WDR59: variants seen among roughly 807,000 people sequenced by gnomAD.
The protein encoded by WDR59 is GATOR2 complex protein WDR59.
In WDR59, 100 loss-of-function variants were observed where a neutral mutation model predicts 131.2. That is an observed-to-expected ratio of 0.76 (90% CI 0.65 to 0.90). The LOEUF is 0.90. Ranked by LOEUF, WDR59 falls within the 40% of genes least tolerant of loss-of-function variation. The pLI is 0.00. For missense variants in WDR59, 1,203 were observed against 1,262.2 expected (o/e 0.95, Z 0.71); for synonymous variants, 601 against 466.2 (o/e 1.29, Z -3.72).
chr16:74,894,909 G>A (rs1284199633), intron 18 of WDR59, among the ~76,000 whole-genome samples: 1 of 152,182 alleles, frequency 6.6e-6, no homozygotes, highest in East Asian at 1.9e-4. Flanking sequence ...ATGGAAAAGT[G>A]TACTCTAGAA....
intron 18 of WDR59, among the ~76,000 whole-genome samples, chr16:74,894,206 T>G (rs998139014): frequency 6.6e-6 from 1 of 152,230 alleles, no homozygotes; most frequent in African/African-American, 2.4e-5. Flanking sequence ...AAAATTTTTT[T>G]CCTTAGGCAG....
At chr16:74,894,841 T>C (rs560091948) in intron 18 of WDR59, among the ~76,000 whole-genome samples, 1 of 152,314 alleles carries the variant, frequency 6.6e-6, no homozygotes, top group Non-Finnish European at 1.5e-5. Flanking sequence ...ATGACCTCTG[T>C]TGTTCCAATC....
intron 5 of WDR59, 56 bp from the exon 6 acceptor site, chr16:74,948,612 G>A (rs2032797104): frequency 2.1e-6 from 3 of 1,411,826 alleles, no homozygotes; most frequent in Non-Finnish European, 1.0e-6. Context: ...CACCCACCTG[G>A]TATTTTTCAC....
rs2034419132 is a variant in WDR59, at chr16:74,981,639, TATATA to T, written c.54+3320_54+3324del. On this transcript the variant is annotated intron_variant, in intron 1 of 25. Transcript: ENST00000262144. ...ATATATATATATATATATATATATA[TATATA>T]TATATATATATATATATTTTTTTTT... 1.1e-3 allele frequency among the ~76,000 whole-genome samples: 43 copies of T among 40,890 alleles called. 4 individuals carry two copies. Among genetic ancestry groups the T allele is most frequent in the African/African-American group, 5.0e-3 (39 of 7,788 alleles). The allele number at this position is 40,890 out of a possible 152,430, so 26.8% of individuals were successfully genotyped here.
intron 1 of WDR59, among the ~76,000 whole-genome samples, chr16:74,980,440 G>A (rs572188082): frequency 2.2e-5 from 3 of 137,638 alleles, no homozygotes; most frequent in Admixed American, 7.7e-5. Flanking sequence ...TGCAACCTCC[G>A]CCTCCCAGGT....
chr16:74,915,790 C>A (rs1173878697), intron 13 of WDR59, 80 bp downstream of exon 13: 35 of 1,591,410 alleles, frequency 2.2e-5, no homozygotes, highest in Non-Finnish European at 2.9e-5. Context: ...TATTTGCTAA[C>A]TGAAATCATT....
intron 7 of WDR59, among the ~76,000 whole-genome samples, chr16:74,938,621 C>T (rs1208496151): frequency 6.6e-6 from 1 of 152,172 alleles, no homozygotes; most frequent in African/African-American, 2.4e-5. Flanking sequence ...ACTGCAGCCT[C>T]AACTTCCTGG....
chr16:74,970,495 CAAAAAAAAAAAAA>C (rs746574195), intron 1 of WDR59, among the ~76,000 whole-genome samples: 20 of 33,446 alleles, frequency 6.0e-4, no homozygotes, highest in East Asian at 5.3e-3. Flanking sequence ...ACTCTGTCTC[CAAAAAAAAAAAAA>C]AAAAAAAAAA....
At chr16:74,973,978 T>C (rs1374342542) in intron 1 of WDR59, among the ~76,000 whole-genome samples, 2 of 152,156 alleles carry the variant, frequency 1.3e-5, no homozygotes, top group African/African-American at 4.8e-5. Context: ...GAGACCAGCC[T>C]GGCCAACATG....
At chr16:74,976,603 G>A (rs944118639) in intron 1 of WDR59, among the ~76,000 whole-genome samples, 5 of 151,610 alleles carry the variant, frequency 3.3e-5, no homozygotes, top group African/African-American at 1.2e-4. Flanking sequence ...CACCACACCT[G>A]GCTAATTTTC....
intron 8 of WDR59, among the ~76,000 whole-genome samples, chr16:74,937,342 C>T (rs184144948): frequency 3.2e-4 from 49 of 152,274 alleles, no homozygotes; most frequent in Admixed American, 6.5e-5. Context: ...TGCCTGAAAA[C>T]GTCAGAACTT....
chr16:74,918,354 A>G (rs1966491900), intron 10 of WDR59, among the ~76,000 whole-genome samples: 1 of 152,236 alleles, frequency 6.6e-6, no homozygotes, highest in Admixed American at 6.5e-5. Context: ...TGAAATACTA[A>G]CTGGCAAATT....
chr16:74,892,325 G>A (rs1965083744), intron 20 of WDR59, among the ~76,000 whole-genome samples, 159 bp downstream of exon 20: 1 of 152,112 alleles, frequency 6.6e-6, no homozygotes, highest in African/African-American at 2.4e-5. Context: ...TCCAGCATTT[G>A]GAAAGCCACT....
At chr16:74,926,186 C>T (rs1428350672) in intron 8 of WDR59, among the ~76,000 whole-genome samples, 2 of 151,288 alleles carry the variant, frequency 1.3e-5, no homozygotes, top group African/African-American at 2.4e-5. Context: ...CAGCCTCCCA[C>T]GTAGCTGGGA....
chr16:74,923,930 T>C lies in WDR59; in HGVS notation c.725A>G (p.Tyr242Cys). The C allele has an allele frequency of 6.2e-7, 1 of 1,613,422 alleles. No homozygotes were observed. The highest frequency in any genetic ancestry group is 8.5e-7 in the Non-Finnish European group (1 of 1,179,924). Residue 242 changes from tyrosine (Y) to cysteine (C), a missense_variant, in exon 9 of 26, where the codon TAC (tyrosine) becomes TGC (cysteine). Coordinates refer to ENST00000262144, the MANE Select transcript of WDR59 (RefSeq NM_030581.4). ...PCQVPVWKAR[Y>C]TPFSNGLVTV... ...GAGGCAGGGTGGCTCACTCACTGTGTATCTGGCCTTCCAGACAGGCACCTG... is the reference window on the plus strand; with the variant it reads ...GAGGCAGGGTGGCTCACTCACTGTGCATCTGGCCTTCCAGACAGGCACCTG...
chr16:74,884,564 TC>T (rs1299196818), intron 25 of WDR59, among the ~76,000 whole-genome samples: 2 of 152,164 alleles, frequency 1.3e-5, no homozygotes, highest in Non-Finnish European at 2.9e-5. Flanking sequence ...GCCAGGCTGG[TC>T]TCAAACCCCT....
chr16:74,893,174 C>T (rs1461958699), intron 19 of WDR59, among the ~76,000 whole-genome samples: 1 of 152,182 alleles, frequency 6.6e-6, no homozygotes, highest in African/African-American at 2.4e-5. Context: ...GATATCACTT[C>T]TGTGATTATG....
intron 8 of WDR59, among the ~76,000 whole-genome samples, 180 bp downstream of exon 8, chr16:74,937,970 G>A (rs1471671623): frequency 6.6e-6 from 1 of 152,190 alleles, no homozygotes; most frequent in East Asian, 1.9e-4. Context: ...GCTGGGTCTC[G>A]CTCTGTCGCA....
At chr16:74,881,329 G>A (rs1964470705) in intron 25 of WDR59, among the ~76,000 whole-genome samples, 1 of 151,962 alleles carries the variant, frequency 6.6e-6, no homozygotes, top group South Asian at 2.1e-4. Flanking sequence ...GAAGACCTGT[G>A]GCCTTGACAG....
Sources: allele counts gnomAD v4.1 joint callset (sites outside exome capture counted in the v4.1 genomes callset), GRCh38; gene constraint gnomAD v4.1.1; transcripts MANE v1.5; gene names NCBI Gene and HGNC (gene_info 2026-07-23, HGNC 2026-07-21).